Variants in SNX29 observed in about 807,000 individuals in gnomAD.
The protein encoded by SNX29 is sorting nexin 29, also known as sorting nexin-29.
SNX29 carries 78 observed loss-of-function variants against 102.1 expected under a neutral mutation model. The observed-to-expected ratio is 0.76, with a 90% confidence interval of 0.64 to 0.92. The LOEUF (loss-of-function observed/expected upper bound fraction) is 0.92. SNX29 is among the 40% of genes least tolerant of loss of function. The pLI, the probability that SNX29 is intolerant of heterozygous loss-of-function variation, is 0.00. For synonymous variants in SNX29, 580 were observed against 414.5 expected (o/e 1.40, Z -4.85); for missense variants, 1,280 against 1,061.7 (o/e 1.21, Z -2.86).
At chr16:12,237,201 TC>T (rs2077962301) in intron 14 of SNX29, among the ~76,000 whole-genome samples, 2 of 152,092 alleles carry the variant, frequency 1.3e-5, no homozygotes, top group Non-Finnish European at 2.9e-5. Context: ...CACCCCCGAC[TC>T]CTCACCCCCA....
chr16:12,544,244 T>C (rs1475321932), intron 20 of SNX29, among the ~76,000 whole-genome samples: 1 of 151,028 alleles, frequency 6.6e-6, no homozygotes, highest in African/African-American at 2.5e-5. Context: ...AGATTGAAAC[T>C]AACTTACCCA....
chr16:12,422,687 G>C lies in SNX29; in HGVS notation c.2037+19158G>C, dbSNP rs1444453245. On this transcript the variant is annotated intron_variant, in intron 18 of 20. Transcript: ENST00000566228. ...TCTCAAGGTTATAATACCATCCTCA[G>C]GGACTTCCTGAGAACCCAATCAGCA... is the stretch of plus-strand genomic sequence containing the variant. Among the ~76,000 whole-genome samples, 4 of 152,248 alleles carry C rather than the reference G, an allele frequency of 2.6e-5. No homozygotes were observed. In the East Asian group the frequency reaches 7.7e-4, roughly 29 times the overall value.
chr16:11,980,754 G>A (rs970749081), intron 1 of SNX29, among the ~76,000 whole-genome samples: 1 of 152,178 alleles, frequency 6.6e-6, no homozygotes, highest in Non-Finnish European at 1.5e-5. Flanking sequence ...GACTAGTGAT[G>A]TTGAGCATCT....
intron 8 of SNX29, among the ~76,000 whole-genome samples, chr16:12,054,362 A>T (rs958669759): frequency 6.6e-6 from 1 of 152,146 alleles, no homozygotes. Context: ...GGGCTGTGGG[A>T]TGCCCAGATT....
chr16:12,441,038 G>A (rs974355745), intron 18 of SNX29, among the ~76,000 whole-genome samples: 30 of 150,396 alleles, frequency 2.0e-4, no homozygotes, highest in African/African-American at 4.2e-4. Context: ...TTCACTTAGC[G>A]TAATATCCTC....
At chr16:12,453,359 G>A (rs893248274) in intron 18 of SNX29, among the ~76,000 whole-genome samples, 13 of 152,196 alleles carry the variant, frequency 8.5e-5, no homozygotes, top group African/African-American at 2.7e-4. Context: ...GACTTGGCAG[G>A]TTTGCCATCC....
intron 18 of SNX29, among the ~76,000 whole-genome samples, chr16:12,448,296 C>T (rs2086153277): frequency 1.3e-5 from 2 of 152,116 alleles, no homozygotes; most frequent in South Asian, 4.1e-4. Flanking sequence ...CCCTGAATCC[C>T]CTTCCTCAGA....
intron 18 of SNX29, among the ~76,000 whole-genome samples, chr16:12,468,405 C>T (rs1296006908): frequency 6.6e-6 from 1 of 152,038 alleles, no homozygotes; most frequent in Non-Finnish European, 1.5e-5. Context: ...AAACTCCTGA[C>T]CTCAAGTGAT....
At chr16:12,210,668 C>G (rs1365145597) in intron 14 of SNX29, among the ~76,000 whole-genome samples, 1 of 152,072 alleles carries the variant, frequency 6.6e-6, no homozygotes, top group Non-Finnish European at 1.5e-5. Flanking sequence ...CCAGCTGCAT[C>G]CTTGCTTCAG....
chr16:12,070,227 T>G (rs948222803), intron 10 of SNX29, among the ~76,000 whole-genome samples: 24 of 152,032 alleles, frequency 1.6e-4, no homozygotes, highest in African/African-American at 5.1e-4. Context: ...TGCACAATGT[T>G]CAGGTTAGTT....
At chr16:11,986,144 G>A (rs1425709069) in intron 1 of SNX29, among the ~76,000 whole-genome samples, 1 of 151,982 alleles carries the variant, frequency 6.6e-6, no homozygotes, top group East Asian at 1.9e-4. Context: ...CAGTAGGGGA[G>A]CAGGTTAGGT....
In SNX29 at chr16:12,062,114, C is replaced by G. The variant is rs554729754; in HGVS notation, c.1243+468C>G. On this transcript the variant is annotated intron_variant, in intron 9 of 20. Transcript: ENST00000566228. ...TGTTTCTGGGCTGGGTGCGATATCT[C>G]ATGCCTGTAATCCCAGCACTTTGTG... Among the ~76,000 whole-genome samples the G allele has an allele frequency of 3.2e-4, 48 of 152,242 alleles. 1 individual carries two copies. Among genetic ancestry groups the G allele is most frequent in the African/African-American group, 1.1e-3 (47 of 41,526 alleles).
chr16:12,521,212 T>G (rs1162450461), intron 19 of SNX29, among the ~76,000 whole-genome samples: 1 of 151,906 alleles, frequency 6.6e-6, no homozygotes, highest in Admixed American at 6.6e-5. Context: ...AATAAAACAC[T>G]CGTTCATGTA....
chr16:12,210,283 G>A (rs2142033502), intron 14 of SNX29, among the ~76,000 whole-genome samples: 1 of 152,060 alleles, frequency 6.6e-6, no homozygotes, highest in Admixed American at 6.5e-5. Flanking sequence ...CTGGGGCTGG[G>A]GCTCCTCGTT....
intron 15 of SNX29, among the ~76,000 whole-genome samples, chr16:12,313,810 C>T (rs2080643602): frequency 6.6e-6 from 1 of 152,176 alleles, no homozygotes; most frequent in African/African-American, 2.4e-5. Context: ...TAAATTAGAG[C>T]CAATCCAGTT....
chr16:12,274,947 T>A (rs953406615), intron 14 of SNX29, among the ~76,000 whole-genome samples: 1 of 152,198 alleles, frequency 6.6e-6, no homozygotes, highest in Non-Finnish European at 1.5e-5. Flanking sequence ...CCTCTCTCTC[T>A]GGAAATATTA....
chr16:12,341,531 G>A (rs569410495), intron 15 of SNX29, among the ~76,000 whole-genome samples: 1 of 152,332 alleles, frequency 6.6e-6, no homozygotes, highest in African/African-American at 2.4e-5. Flanking sequence ...CAAAATAAAA[G>A]CTTATTTCCT....
At chr16:12,316,787 C>T (rs1281548821) in intron 15 of SNX29, among the ~76,000 whole-genome samples, 1 of 152,192 alleles carries the variant, frequency 6.6e-6, no homozygotes, top group Admixed American at 6.5e-5. Context: ...TTTCTGCAGC[C>T]CTCCCAGGGA....
intron 20 of SNX29, among the ~76,000 whole-genome samples, chr16:12,548,662 G>A (rs953759610): frequency 2.6e-5 from 4 of 152,328 alleles, no homozygotes; most frequent in Admixed American, 2.0e-4. Context: ...TGTCAACTCA[G>A]CAAGAAGTGA....
Sources: allele counts gnomAD v4.1 joint callset (sites outside exome capture counted in the v4.1 genomes callset), GRCh38; gene constraint gnomAD v4.1.1; transcripts MANE v1.5; gene names NCBI Gene and HGNC (gene_info 2026-07-23, HGNC 2026-07-21).